Variants in NMD3 observed in about 807,000 individuals in gnomAD.
NMD3 encodes the protein NMD3 ribosome export adaptor, also known as 60S ribosomal export protein NMD3.
Under a neutral mutation model 73.1 loss-of-function variants are expected in NMD3, and 47 were observed. The observed-to-expected ratio is 0.64, with a 90% confidence interval of 0.51 to 0.82. The LOEUF (loss-of-function observed/expected upper bound fraction) is 0.82, where lower values mean the gene tolerates loss of function less well. Among genes scored for constraint, NMD3 ranks in the 40% least tolerant of loss-of-function variants. NMD3 has a pLI of 0.00. For synonymous variants in NMD3, 210 were observed against 194.5 expected (o/e 1.08, Z -0.66); for missense variants, 554 against 612.5 (o/e 0.90, Z 1.01).
chr3:161,243,739 A>G (rs572155845), intron 11 of NMD3, among the ~76,000 whole-genome samples: 1 of 152,124 alleles, frequency 6.6e-6, no homozygotes, highest in Non-Finnish European at 1.5e-5. Flanking sequence ...ATTTAGGTTA[A>G]ATTTTTCTTG....
rs758093938 is a variant in NMD3, at chr3:161,225,069, A to G, written c.179+5A>G. 4.5e-5 allele frequency: 72 copies of G among 1,606,612 alleles called. No homozygotes were observed. Among genetic ancestry groups the G allele is most frequent in the Non-Finnish European group, 5.3e-5 (63 of 1,177,926 alleles). On this transcript the variant is annotated splice_donor_5th_base_variant and intron_variant, in intron 3 of 15. Coordinates refer to ENST00000351193, the MANE Select transcript of NMD3 (RefSeq NM_015938.5). ...GTTCTGCAAACAATGTCAAAGGTACAGTGCGGTACAATTTTGCTCTTTTTA... is the reference window on the plus strand; with the variant it reads ...GTTCTGCAAACAATGTCAAAGGTACGGTGCGGTACAATTTTGCTCTTTTTA...
chr3:161,230,102 T>C (rs1405946945), intron 4 of NMD3, among the ~76,000 whole-genome samples: 7 of 152,072 alleles, frequency 4.6e-5, no homozygotes, highest in Non-Finnish European at 8.8e-5. Context: ...TCTTTTTATG[T>C]TATTTTATTT....
chr3:161,227,437 ATTTTTTTTTTTTTT>A (rs55825529), intron 4 of NMD3, 94 bp downstream of exon 4: 11 of 360,872 alleles, frequency 3.0e-5, no homozygotes, highest in South Asian at 1.6e-4. Flanking sequence ...TTCAAAAGGA[ATTTTTTTTTTTTTT>A]TTTTTTTTTG....
At chr3:161,239,196 A>G (rs544098549) in intron 9 of NMD3, among the ~76,000 whole-genome samples, 2 of 152,202 alleles carry the variant, frequency 1.3e-5, no homozygotes, top group East Asian at 3.8e-4. Context: ...GAATATGTAC[A>G]AACAAAATTT....
chr3:161,238,883 C>A, intron 9 of NMD3, 57 bp downstream of exon 9: 1 of 828,506 alleles, frequency 1.2e-6, no homozygotes, highest in South Asian at 1.6e-5. Context: ...AATTAATTGG[C>A]TTATATGTAA....
chr3:161,246,124 A>G (rs1553793684), intron 11 of NMD3, among the ~76,000 whole-genome samples: 1 of 152,148 alleles, frequency 6.6e-6, no homozygotes, highest in Non-Finnish European at 1.5e-5. Flanking sequence ...AAAGTCAATG[A>G]TTTATTTTTA....
intron 6 of NMD3, 31 bp from the exon 7 acceptor site, chr3:161,235,091 G>A (rs1186058892): frequency 1.7e-6 from 2 of 1,166,878 alleles, no homozygotes; most frequent in Non-Finnish European, 2.5e-6. Context: ...TTTTTGTGGG[G>A]CATTTATTGA....
At chr3:161,237,286 C>G (rs916363404) in intron 7 of NMD3, among the ~76,000 whole-genome samples, 9 of 151,916 alleles carry the variant, frequency 5.9e-5, no homozygotes, top group African/African-American at 1.7e-4. Flanking sequence ...TTTCTTAGAA[C>G]TGTGTTCTAT....
intron 14 of NMD3, chr3:161,249,787 G>A: frequency 3.7e-6 from 2 of 537,958 alleles, no homozygotes; most frequent in Admixed American, 6.9e-5. Flanking sequence ...TAGTGTTAAT[G>A]TAAACAATTC....
At chr3:161,228,079 T>C (rs534717405) in intron 4 of NMD3, among the ~76,000 whole-genome samples, 17 of 152,286 alleles carry the variant, frequency 1.1e-4, no homozygotes, top group African/African-American at 3.8e-4. Context: ...AAATAGTTTG[T>C]TTAAAGTACA....
intron 7 of NMD3, among the ~76,000 whole-genome samples, chr3:161,237,728 G>A (rs1389902338): frequency 1.3e-5 from 2 of 151,558 alleles, no homozygotes; most frequent in African/African-American, 4.8e-5. Context: ...TAGTAGAGAC[G>A]GGGTTTCACC....
intron 3 of NMD3, among the ~76,000 whole-genome samples, chr3:161,225,864 G>A (rs545519972): frequency 1.3e-5 from 2 of 152,054 alleles, no homozygotes; most frequent in African/African-American, 2.4e-5. Flanking sequence ...ATATATGTGT[G>A]TGTGTGTATA....
intron 2 of NMD3, among the ~76,000 whole-genome samples, chr3:161,223,852 A>G (rs1389289475): frequency 1.3e-5 from 2 of 152,208 alleles, no homozygotes; most frequent in South Asian, 2.1e-4. Flanking sequence ...CCAATTTTCA[A>G]CAAGGGATAA....
At chr3:161,242,447 A>G in intron 10 of NMD3, 61 bp from the exon 11 acceptor site, 3 of 1,478,354 alleles carry the variant, frequency 2.0e-6, no homozygotes, top group Admixed American at 1.7e-5. Context: ...CTTAGTTAAT[A>G]CATTTGATAA....
intron 14 of NMD3, 154 bp downstream of exon 14, chr3:161,249,714 G>C (rs1737404237): frequency 1.5e-6 from 1 of 660,998 alleles, no homozygotes; most frequent in South Asian, 1.7e-5. Context: ...ATCAGTATAA[G>C]ATGATGTAAA....
intron 4 of NMD3, among the ~76,000 whole-genome samples, chr3:161,231,436 C>T (rs560240246): frequency 6.6e-6 from 1 of 152,170 alleles, no homozygotes; most frequent in South Asian, 2.1e-4. Flanking sequence ...AGTGAGAGGT[C>T]AGGGTATTGT....
At chr3:161,249,432 T>G in intron 13 of NMD3, 22 bp from the exon 14 acceptor site, 1 of 1,509,966 alleles carries the variant, frequency 6.6e-7, no homozygotes. Context: ...TCTTTGTAAC[T>G]TTACAAATAT....
intron 13 of NMD3, 114 bp downstream of exon 13, chr3:161,247,444 C>G (rs1737264222): frequency 1.7e-6 from 1 of 579,400 alleles, no homozygotes. Flanking sequence ...TTAGAGATTT[C>G]TGAAACTGCA....
At chr3:161,228,882 G>T (rs757393251) in intron 4 of NMD3, among the ~76,000 whole-genome samples, 9 of 152,196 alleles carry the variant, frequency 5.9e-5, no homozygotes, top group Non-Finnish European at 1.2e-4. Context: ...GTGGAGAAAG[G>T]AGCTAGGAAG....
Sources: gnomAD v4.1 joint callset for allele counts (sites outside exome capture counted in the v4.1 genomes callset) on GRCh38, gnomAD v4.1.1 for gene constraint, MANE v1.5 for transcripts, NCBI Gene and HGNC (gene_info 2026-07-23, HGNC 2026-07-21) for gene names.